Variants in LARP1 observed in about 807,000 individuals in gnomAD.
LARP1 encodes the protein La ribonucleoprotein 1, translational regulator.
Under a neutral mutation model 122.7 loss-of-function variants are expected in LARP1, and 36 were observed. The observed-to-expected ratio is 0.29, with a 90% CI of 0.22 to 0.39. The LOEUF (loss-of-function observed/expected upper bound fraction) is 0.39. LARP1 is among the 10% of genes least tolerant of loss of function. LARP1 has a pLI of 1.00. For synonymous variants in LARP1, 539 were observed against 528.7 expected (o/e 1.02, Z -0.27); for missense variants, 1,040 against 1,403.6 (o/e 0.74, Z 4.14).
intron 1 of LARP1, among the ~76,000 whole-genome samples, chr5:154,715,333 C>T (rs1458488742): frequency 7.7e-6 from 1 of 130,692 alleles, no homozygotes; most frequent in Non-Finnish European, 1.6e-5. Flanking sequence ...GGCTTGATCT[C>T]GGCTCACCGC....
In LARP1 at chr5:154,755,496, CG is replaced by C. The variant is rs1210530450; in HGVS notation, c.-254del. On this transcript the variant is annotated 5_prime_UTR_variant, in exon 1 of 19. Coordinates refer to ENST00000518297, the MANE Select transcript of LARP1 (RefSeq NM_033551.3). The stretch of plus-strand genomic sequence containing the variant: ...GTGGGGGCGTCTTGCGAGGAACGGG[CG>C]GGGGGGGACGCACGCCTAGGAGGCC... 3.2e-5 allele frequency: 30 copies of C among 941,584 alleles called. No homozygotes were observed. The highest frequency in any genetic ancestry group is 3.6e-5 in the African/African-American group (2 of 55,488). The allele number at this position is 941,584 out of a possible 1,614,324, so 58.3% of individuals were successfully genotyped here.
chr5:154,755,881 A>G lies in LARP1; in HGVS notation c.124A>G (p.Asn42Asp), dbSNP rs1753833495. 1 of 1,013,848 alleles carries G rather than the reference A, an allele frequency of 9.9e-7. No individual in the cohort carries two copies. The allele number at this position is 1,013,848 out of a possible 1,614,324, so 62.8% of individuals were successfully genotyped here. Residue 42 changes from asparagine to aspartate, a missense_variant, in exon 1 of 19, where the codon AAC becomes GAC. By Grantham distance (23) the Asn-to-Asp change is conservative (BLOSUM62 1). Coordinates refer to ENST00000518297, the MANE Select transcript of LARP1 (RefSeq NM_033551.3). Reference protein sequence around the residue: ...APEGKGEPGPNDVRGGEPDGS... With the variant: ...APEGKGEPGPDDVRGGEPDGS... ...CGAGGGCAAGGGCGAGCCCGGGCCA[A>G]ACGACGTCCGCGGGGGGGAGCCGGA...
intron 1 of LARP1, among the ~76,000 whole-genome samples, chr5:154,700,024 T>G (rs1324799339): frequency 6.6e-6 from 1 of 152,194 alleles, no homozygotes; most frequent in African/African-American, 2.4e-5. Context: ...CCATTCATTT[T>G]TGGGTGGCTT....
chr5:154,702,335 C>T (rs372315603), intron 1 of LARP1, among the ~76,000 whole-genome samples: 1 of 152,078 alleles, frequency 6.6e-6, no homozygotes, highest in African/African-American at 2.4e-5. Flanking sequence ...GTGGGCGAAT[C>T]ACCTGAGGTC....
At chr5:154,722,813 T>C (rs1333912606) in intron 1 of LARP1, among the ~76,000 whole-genome samples, 1 of 151,906 alleles carries the variant, frequency 6.6e-6, no homozygotes, top group African/African-American at 2.4e-5. Context: ...CCTGAGTAGC[T>C]GGAACTACAG....
intron 1 of LARP1, among the ~76,000 whole-genome samples, chr5:154,715,170 ACT>A (rs1305878606): frequency 6.7e-6 from 1 of 150,104 alleles, no homozygotes; most frequent in Non-Finnish European, 1.5e-5. Context: ...ACAGAGCGAG[ACT>A]CTGTCTCAAA....
At chr5:154,797,473 TCCAC>T (rs1205382513) in intron 8 of LARP1, among the ~76,000 whole-genome samples, 2 of 151,974 alleles carry the variant, frequency 1.3e-5, no homozygotes, top group African/African-American at 4.8e-5. Context: ...CCTCAGGTGA[TCCAC>T]CCACCTCGGC....
chr5:154,725,334 A>G (rs1453471500), intron 1 of LARP1, among the ~76,000 whole-genome samples: 1 of 150,920 alleles, frequency 6.6e-6, no homozygotes, highest in Non-Finnish European at 1.5e-5. Flanking sequence ...GGTTGCAGTA[A>G]GCTGAAATCG....
At chr5:154,753,045 TCTACACAGCAG>T (rs558883702), upstream of LARP1, among the ~76,000 whole-genome samples, 61 of 152,220 alleles carry the variant, frequency 4.0e-4, no homozygotes, top group African/African-American at 1.4e-3. Flanking sequence ...CCCTCCACCC[TCTACACAGCAG>T]GGCCTGGCCA....
Position 154,803,118 on chromosome 5 carries a change from G to T in LARP1, c.2110-172G>T, listed in dbSNP as rs1758475553. Among the ~76,000 whole-genome samples, 1 of 152,182 alleles carries T rather than the reference G, an allele frequency of 6.6e-6. No individual in the cohort carries two copies. On this transcript the variant is annotated intron_variant, in intron 11 of 18. Transcript: ENST00000518297. This position sits in a 1 kb window ranked among gnomAD's most constrained non-coding sequence, Gnocchi z 4.4. ...TCTGGGCTAGCACACTTGTGCCAAG[G>T]TAACTGGGGTGAGGAATGGTGACTG...
chr5:154,794,279 C>T lies in LARP1; in HGVS notation c.1232+17C>T. ...GCGCCAGATGTGAGTGTGCGGAAGC[C>T]TTCTTACCCTGGAGAAATGAGTGAG... On this transcript the variant is annotated intron_variant, in intron 7 of 18. Transcript: ENST00000518297. 1 of 1,610,140 alleles carries T rather than the reference C, an allele frequency of 6.2e-7. No homozygotes were observed. Among genetic ancestry groups the T allele is most frequent in the Non-Finnish European group, 8.5e-7 (1 of 1,176,782 alleles).
chr5:154,763,152 C>T (rs191433087), intron 1 of LARP1, among the ~76,000 whole-genome samples: 115 of 151,676 alleles, frequency 7.6e-4, no homozygotes, highest in African/African-American at 2.6e-3. Flanking sequence ...CCTATGCCTC[C>T]TGGGTTCAAG....
intron 16 of LARP1, 100 bp downstream of exon 16, chr5:154,808,703 G>A: frequency 8.0e-7 from 1 of 1,243,482 alleles, no homozygotes; most frequent in East Asian, 2.5e-5. Context: ...TTCCTTGCAT[G>A]TGTATGTTCA....
At chr5:154,812,660 TA>T (rs372908424) in intron 18 of LARP1, among the ~76,000 whole-genome samples, 1,703 of 151,816 alleles carry the variant, frequency 0.011, 26 homozygotes, top group African/African-American at 0.037. Context: ...GCTGAGATTA[TA>T]GGTGCGCACC....
At position 154,755,548 on chromosome 5, in the gene LARP1, TCCCCC is replaced by T; in HGVS notation, c.-206_-202del. 7.2e-6 allele frequency: 7 copies of T among 978,922 alleles called. No homozygotes were observed. Among genetic ancestry groups the T allele is most frequent in the Non-Finnish European group, 8.5e-6 (7 of 826,522 alleles). The allele number at this position is 978,922 out of a possible 1,614,324, so 60.6% of individuals were successfully genotyped here. A position where few individuals can be genotyped will look rare whatever the true frequency, so the allele number is the denominator to read the frequency against. On this transcript the variant is annotated 5_prime_UTR_variant, in exon 1 of 19. Coordinates refer to ENST00000518297, the MANE Select transcript of LARP1 (RefSeq NM_033551.3). The stretch of plus-strand genomic sequence containing the variant: ...TGGACTGCAGAGTGGGGGGCCTTCC[TCCCCC>T]CCCGCCCCGCTAGTGGGCCTCGGAT...
chr5:154,760,511 C>T (rs1382741299), intron 1 of LARP1, among the ~76,000 whole-genome samples: 2 of 152,168 alleles, frequency 1.3e-5, no homozygotes, highest in African/African-American at 2.4e-5. Flanking sequence ...ACTCTTCTGG[C>T]TTCAGGAGCC....
Position 154,755,489 on chromosome 5 carries a change from G to T in LARP1, c.-269G>T, listed in dbSNP as rs1238897872. The T allele has an allele frequency of 3.2e-6, 3 of 946,954 alleles. No individual in the cohort carries two copies. Among genetic ancestry groups the T allele is most frequent in the Non-Finnish European group, 3.8e-6 (3 of 793,642 alleles). 58.7% of individuals were successfully genotyped at this position (946,954 alleles called of 1,614,324 possible). A position where few individuals can be genotyped will look rare whatever the true frequency, so the allele number is the denominator to read the frequency against. On this transcript the variant is annotated 5_prime_UTR_variant, in exon 1 of 19. Transcript: ENST00000518297. ...GCTCGGGGTGGGGGCGTCTTGCGAGGAACGGGCGGGGGGGGACGCACGCCT... is the reference window on the plus strand; with the variant it reads ...GCTCGGGGTGGGGGCGTCTTGCGAGTAACGGGCGGGGGGGGACGCACGCCT...
At chr5:154,727,580 A>G (rs151068778) in intron 1 of LARP1, among the ~76,000 whole-genome samples, 21 of 152,350 alleles carry the variant, frequency 1.4e-4, no homozygotes, top group Non-Finnish European at 3.1e-4. Flanking sequence ...AATCTATTAC[A>G]CAATGTGGTG....
chr5:154,733,022 TGTCTCATAAAATCCCA>T (rs1230681244), intron 1 of LARP1, among the ~76,000 whole-genome samples: 2 of 152,084 alleles, frequency 1.3e-5, no homozygotes, highest in Non-Finnish European at 1.5e-5. Flanking sequence ...AAAAGGTGAG[TGTCTCATAAAATCCCA>T]GTCTCAGGGT....
Sources: allele counts gnomAD v4.1 joint callset (sites outside exome capture counted in the v4.1 genomes callset), GRCh38; gene constraint gnomAD v4.1.1; non-coding constraint Gnocchi (gnomAD v3.1); transcripts MANE v1.5; gene names NCBI Gene and HGNC (gene_info 2026-07-23, HGNC 2026-07-21).